The following IMPA2 variants were observed in gnomAD, a reference collection of about 807,000 sequenced individuals.
IMPA2 encodes the protein IMP 2.
Under a neutral mutation model 35.1 loss-of-function variants are expected in IMPA2, and 32 were observed. The ratio of observed to expected loss-of-function variants is 0.91; its 90% CI spans 0.69 to 1.23. The LOEUF (loss-of-function observed/expected upper bound fraction) is 1.23. IMPA2 is among the 50% of genes most tolerant of loss of function. The pLI, the probability that IMPA2 is intolerant of heterozygous loss-of-function variation, is 0.00. For missense variants in IMPA2, 334 were observed against 387.6 expected (o/e 0.86, Z 1.16); for synonymous variants, 135 against 160.6 (o/e 0.84, Z 1.20).
Position 12,030,698 on chromosome 18 carries a change from GTTC to G in IMPA2, c.*245_*247del. On this transcript the variant is annotated 3_prime_UTR_variant, in exon 8 of 8. Coordinates refer to ENST00000269159, the MANE Select transcript of IMPA2 (RefSeq NM_014214.3). The stretch of plus-strand genomic sequence containing the variant: ...CGTAGCCTTTTTCAGGTTAGTACGT[GTTC>G]TTCTGTCAGGGCCAAAACTCAAATC... The G allele has an allele frequency of 2.0e-6, 1 of 496,124 alleles. No individual in the cohort carries two copies. The highest frequency in any genetic ancestry group is 2.7e-5 in the South Asian group (1 of 37,672). The allele number at this position is 496,124 out of a possible 1,614,324, so 30.7% of individuals were successfully genotyped here.
Position 11,981,622 on chromosome 18 carries a change from G to T in IMPA2, c.-48G>T. 1 of 1,174,364 alleles carries T rather than the reference G, an allele frequency of 8.5e-7. No individual in the cohort carries two copies. Among genetic ancestry groups the T allele is most frequent in the Non-Finnish European group, 1.1e-6 (1 of 936,888 alleles). 72.7% of individuals were successfully genotyped at this position (1,174,364 alleles called of 1,614,324 possible). A position where few individuals can be genotyped will look rare whatever the true frequency, so the allele number is the denominator to read the frequency against. ...GGACGGCGGGATCCGGTGGGAGCCG[G>T]AGTCCCGCCGAGGGGGGCTGGAGGT... is the stretch of plus-strand genomic sequence containing the variant. On this transcript the variant is annotated 5_prime_UTR_variant, in exon 1 of 8. Coordinates refer to ENST00000269159, the MANE Select transcript of IMPA2 (RefSeq NM_014214.3).
At chr18:12,014,950 C>A (rs1464489876) in intron 5 of IMPA2, among the ~76,000 whole-genome samples, 1 of 152,206 alleles carries the variant, frequency 6.6e-6, no homozygotes, top group African/African-American at 2.4e-5. Flanking sequence ...CTGCATACTG[C>A]CTGGAACCGC....
chr18:11,982,827 A>G (rs1458805937), intron 1 of IMPA2, among the ~76,000 whole-genome samples: 1 of 149,658 alleles, frequency 6.7e-6, no homozygotes, highest in African/African-American at 2.5e-5. Flanking sequence ...GTTTTCGGGG[A>G]TTTTAGAGAC....
chr18:12,020,171 C>A (rs1907687893), intron 5 of IMPA2, among the ~76,000 whole-genome samples: 1 of 143,650 alleles, frequency 7.0e-6, no homozygotes, highest in South Asian at 2.1e-4. Context: ...CCACACTCGG[C>A]CTTTATTTAT....
intron 2 of IMPA2, among the ~76,000 whole-genome samples, chr18:12,001,379 A>G (rs967459405): frequency 3.9e-5 from 6 of 151,992 alleles, no homozygotes; most frequent in African/African-American, 1.5e-4. Flanking sequence ...TTCTGCGGTG[A>G]TGATCCGTGT....
chr18:11,992,871 C>T (rs1906856091), intron 1 of IMPA2, among the ~76,000 whole-genome samples: 2 of 152,174 alleles, frequency 1.3e-5, no homozygotes, highest in Non-Finnish European at 2.9e-5. Context: ...GTTTGAGTCT[C>T]GCTTACTGAT....
chr18:11,984,266 T>C (rs1184809543), intron 1 of IMPA2, among the ~76,000 whole-genome samples: 1 of 152,160 alleles, frequency 6.6e-6, no homozygotes, highest in African/African-American at 2.4e-5. Context: ...GTGCCACTCT[T>C]CCTTCCGTGA....
At chr18:12,000,258 G>A (rs1043743211) in intron 2 of IMPA2, among the ~76,000 whole-genome samples, 3 of 150,946 alleles carry the variant, frequency 2.0e-5, no homozygotes, top group African/African-American at 7.3e-5. Flanking sequence ...CTGCAGCCTT[G>A]AACTCCTGGG....
chr18:12,013,254 T>A (rs1907483134), intron 4 of IMPA2, among the ~76,000 whole-genome samples: 1 of 152,190 alleles, frequency 6.6e-6, no homozygotes, highest in African/African-American at 2.4e-5. Flanking sequence ...GACATTCCTC[T>A]GCACTCTGGG....
At chr18:11,989,241 G>C (rs1023516013) in intron 1 of IMPA2, among the ~76,000 whole-genome samples, 3 of 152,168 alleles carry the variant, frequency 2.0e-5, no homozygotes, top group African/African-American at 7.2e-5. Context: ...TTCTGAAGTG[G>C]TTCATTTCTC....
chr18:11,985,398 T>C (rs1315257509), intron 1 of IMPA2, among the ~76,000 whole-genome samples: 1 of 152,180 alleles, frequency 6.6e-6, no homozygotes, highest in Non-Finnish European at 1.5e-5. Context: ...ATACTTTATA[T>C]GGGGAGAATA....
intron 1 of IMPA2, among the ~76,000 whole-genome samples, chr18:11,984,273 G>A (rs981002343): frequency 6.6e-6 from 1 of 152,086 alleles, no homozygotes; most frequent in Non-Finnish European, 1.5e-5. Context: ...TCTTCCTTCC[G>A]TGACCGTGGG....
Position 11,981,696 on chromosome 18 carries a change from G to A in IMPA2, c.27G>A (p.Ala9=). The A allele has an allele frequency of 8.1e-7, 1 of 1,230,738 alleles. No individual in the cohort carries two copies. The highest frequency in any genetic ancestry group is 1.0e-6 in the Non-Finnish European group (1 of 987,022). The allele number at this position is 1,230,738 out of a possible 1,614,324, so 76.2% of individuals were successfully genotyped here. A position where few individuals can be genotyped will look rare whatever the true frequency, so the allele number is the denominator to read the frequency against. ...TGAAGCCGAGCGGCGAGGACCAGGC[G>A]GCGCTGGCGGCCGGCCCCTGGGAGG... The part of the protein sequence containing the change: MKPSGEDQ[A]ALAAGPWEEC... The change falls in exon 1 of 8, where the codon GCG becomes GCA. Residue 9 remains alanine, a synonymous_variant. Coordinates refer to ENST00000269159, the MANE Select transcript of IMPA2 (RefSeq NM_014214.3).
chr18:12,013,481 C>T (rs1222030203), intron 4 of IMPA2, among the ~76,000 whole-genome samples: 1 of 152,176 alleles, frequency 6.6e-6, no homozygotes, highest in African/African-American at 2.4e-5. Context: ...TGTGCTCACC[C>T]CAGGGCCAGC....
chr18:11,999,228 C>A (rs748456705), intron 2 of IMPA2, 41 bp downstream of exon 2: 35 of 1,595,068 alleles, frequency 2.2e-5, no homozygotes, highest in Non-Finnish European at 3.0e-5. Context: ...GTAACCCTGG[C>A]CACACTCATA....
At chr18:12,005,364 G>C (rs969872493) in intron 2 of IMPA2, among the ~76,000 whole-genome samples, 5 of 152,132 alleles carry the variant, frequency 3.3e-5, no homozygotes, top group African/African-American at 1.2e-4. Context: ...GCATGCCTGT[G>C]GTCCCAGCTA....
At chr18:12,012,386 C>A in intron 4 of IMPA2, 171 bp downstream of exon 4, 2 of 657,734 alleles carry the variant, frequency 3.0e-6, no homozygotes, top group East Asian at 5.2e-5. Context: ...CAAGTCCAGA[C>A]TGGCTTTGGG....
At chr18:12,022,528 A>AATATATATATAT (rs202132842) in intron 5 of IMPA2, among the ~76,000 whole-genome samples, 29 of 96,814 alleles carry the variant, frequency 3.0e-4, no homozygotes, top group African/African-American at 9.5e-4. Context: ...TCTCAAAAAG[A>AATATATATATAT]ATATATATAT....
chr18:11,990,362 A>G (rs1906780004), intron 1 of IMPA2, among the ~76,000 whole-genome samples: 1 of 152,100 alleles, frequency 6.6e-6, no homozygotes, highest in African/African-American at 2.4e-5. Flanking sequence ...TTTAGAAAAA[A>G]AGCAGGAGTC....
Sources: allele counts gnomAD v4.1 joint callset (sites outside exome capture counted in the v4.1 genomes callset), GRCh38; gene constraint gnomAD v4.1.1; transcripts MANE v1.5; gene names NCBI Gene and HGNC (gene_info 2026-07-23, HGNC 2026-07-21).